TP73: variants seen among roughly 807,000 people sequenced by gnomAD.
The protein encoded by TP73 is p53-like transcription factor.
Under a neutral mutation model 62.5 loss-of-function variants are expected in TP73, and 25 were observed. That is an observed-to-expected ratio of 0.40 (90% CI 0.29 to 0.56). TP73 has a LOEUF of 0.56. TP73 is among the 20% of genes least tolerant of loss of function. TP73 has a pLI of 0.46. For synonymous variants in TP73, 423 were observed against 377.5 expected, an observed-to-expected ratio of 1.12 and a Z score of -1.40; for missense variants, 754 against 913.3, an observed-to-expected ratio of 0.83 and a Z score of 2.25.
rs888902171 is a variant in TP73, at chr1:3,663,242, C to T, written c.-34+10601C>T. Among the ~76,000 whole-genome samples, 3 of 152,152 alleles carry T rather than the reference C, an allele frequency of 2.0e-5. No individual in the cohort carries two copies. Among genetic ancestry groups the T allele is most frequent in the Admixed American group, 2.0e-4 (3 of 15,276 alleles). ...TAACAAGAGGACCCTCTGCCTATCA[C>T]GAGCCTGGTGGCTGCCGTACCAGTA... On this transcript the variant is annotated intron_variant, in intron 1 of 13. Transcript: ENST00000378295. This position sits in a 1 kb window ranked among gnomAD's most constrained non-coding sequence, Gnocchi z 4.7.
intron 1 of TP73, 36 bp from the exon 2 acceptor site, chr1:3,682,297 C>T: frequency 7.2e-7 from 1 of 1,397,234 alleles, no homozygotes; most frequent in Admixed American, 2.6e-5. Flanking sequence ...GCACGAGTTC[C>T]CAGGGTGCTC....
In TP73 at chr1:3,732,882, G is replaced by A. The variant is rs775611773; in HGVS notation, c.1714G>A (p.Gly572Ser). Residue 572 changes from glycine (G) to serine (S), a missense_variant, in exon 14 of 14, where the codon GGC becomes AGC. Physicochemically the swap from Gly to Ser is moderately conservative, Grantham distance 56 (BLOSUM62 0). Coordinates refer to ENST00000378295, the MANE Select transcript of TP73 (RefSeq NM_005427.4). The part of the protein sequence containing the change: ...RSSNAATISI[G>S]GSGELQRQRV... The stretch of plus-strand genomic sequence containing the variant: ...TAGCAACGCGGCCACCATCTCCATC[G>A]GCGGCTCAGGGGAACTGCAGCGCCA... 2.6e-5 allele frequency: 42 copies of A among 1,611,450 alleles called. No individual in the cohort carries two copies. Among genetic ancestry groups the A allele is most frequent in the Admixed American group, 1.3e-4 (8 of 59,912 alleles).
chr1:3,717,989 G>A (rs867415289), intron 4 of TP73, among the ~76,000 whole-genome samples: 1 of 152,218 alleles, frequency 6.6e-6, no homozygotes, highest in African/African-American at 2.4e-5. Flanking sequence ...TGGCCTTACT[G>A]GCCAGAGGGG....
chr1:3,716,171 G>A (rs1260479242), intron 4 of TP73, among the ~76,000 whole-genome samples: 1 of 152,194 alleles, frequency 6.6e-6, no homozygotes, highest in Non-Finnish European at 1.5e-5. Flanking sequence ...GGATCGCTTG[G>A]CATCTGCAGA....
rs989385377 is a variant in TP73 at position 3,701,263 on chromosome 1, T to G, written c.187-6286T>G. 2.0e-4 allele frequency among the ~76,000 whole-genome samples: 30 copies of G among 152,034 alleles called. No homozygotes were observed. In the East Asian group the frequency reaches 3.5e-3, roughly 18 times the overall value. On this transcript the variant is annotated intron_variant, in intron 3 of 13. Coordinates refer to ENST00000378295, the MANE Select transcript of TP73 (RefSeq NM_005427.4). The surrounding 1 kb of genome is among the most constrained non-coding windows in gnomAD (Gnocchi z 4.7). ...GTCCCTGTGCCCAGGGCTTAGCGACTGTCCTCTGCGTAGTGAATCTGGATT... is the reference window on the plus strand; with the variant it reads ...GTCCCTGTGCCCAGGGCTTAGCGACGGTCCTCTGCGTAGTGAATCTGGATT...
At chr1:3,653,831 G>A (rs530483759) in intron 1 of TP73, among the ~76,000 whole-genome samples, 15 of 152,326 alleles carry the variant, frequency 9.8e-5, no homozygotes, top group African/African-American at 3.6e-4. Flanking sequence ...TGTTTGAAAT[G>A]TTGCCATATA....
At position 3,702,119 on chromosome 1, in the gene TP73, C is replaced by T. The variant is rs574123377; in HGVS notation, c.187-5430C>T. The stretch of plus-strand genomic sequence containing the variant: ...GGAACCCCCAGACCTCAGCCATCAC[C>T]GTCCCCAGCTTGGCCGACGGTAGAT... On this transcript the variant is annotated intron_variant, in intron 3 of 13. Coordinates refer to ENST00000378295, the MANE Select transcript of TP73 (RefSeq NM_005427.4). 2.6e-3 allele frequency among the ~76,000 whole-genome samples: 394 copies of T among 152,362 alleles called. 2 individuals are homozygous for T. The highest frequency in any genetic ancestry group is 4.5e-3 in the Non-Finnish European group (309 of 68,028).
chr1:3,680,453 G>A (rs3765705), intron 1 of TP73, among the ~76,000 whole-genome samples: 16,845 of 152,098 alleles, frequency 0.11, 1,320 homozygotes, highest in African/African-American at 0.23. Flanking sequence ...AAGGGGATGC[G>A]ACCCAGAGGC....
chr1:3,654,551 T>C (rs1570330080), intron 1 of TP73, among the ~76,000 whole-genome samples: 1 of 152,198 alleles, frequency 6.6e-6, no homozygotes, highest in African/African-American at 2.4e-5. Context: ...GTAATAGTAG[T>C]TCCTGCCTCA....
intron 7 of TP73, 84 bp downstream of exon 7, chr1:3,727,308 G>C: frequency 7.6e-7 from 1 of 1,317,002 alleles, no homozygotes; most frequent in Non-Finnish European, 1.1e-6. Flanking sequence ...ATGGAGACCT[G>C]CAGGCCAAGG....
intron 6 of TP73, among the ~76,000 whole-genome samples, chr1:3,724,297 C>T (rs1641331773): frequency 6.6e-6 from 1 of 151,994 alleles, no homozygotes. Flanking sequence ...CAGGCCTCTG[C>T]CTTCCCTGTA....
chr1:3,731,060 C>T lies in TP73; in HGVS notation c.1479C>T (p.Leu493=). The T allele has an allele frequency of 1.9e-6, 3 of 1,610,922 alleles. No homozygotes were observed. The highest frequency in any genetic ancestry group is 2.5e-6 in the Non-Finnish European group (3 of 1,178,884). The part of the protein sequence containing the change: ...PPPPYHADPS[L]VSFLTGLGCP... ...CCCCCTACCACGCCGACCCCAGCCT[C>T]GTCAGGTGCGTGGGCTGCCGAGGGC... Residue 493 remains leucine, a synonymous_variant, in exon 12 of 14, where the codon CTC becomes CTT. Transcript: ENST00000378295.
At chr1:3,682,666 G>A (rs1334535344) in intron 2 of TP73, among the ~76,000 whole-genome samples, 1 of 152,256 alleles carries the variant, frequency 6.6e-6, no homozygotes, top group Non-Finnish European at 1.5e-5. Context: ...CAGGAGAGGT[G>A]GCTCCACACT....
intron 1 of TP73, among the ~76,000 whole-genome samples, chr1:3,659,716 C>T (rs893904725): frequency 2.0e-5 from 3 of 152,038 alleles, no homozygotes; most frequent in African/African-American, 4.8e-5. Context: ...AGTTCCACTC[C>T]GTCGCTCAAG....
intron 3 of TP73, among the ~76,000 whole-genome samples, chr1:3,691,651 G>A (rs548914945): frequency 1.6e-4 from 25 of 152,306 alleles, no homozygotes; most frequent in African/African-American, 6.0e-4. Context: ...GGTCCCTGGG[G>A]GCCAGGCAGG....
chr1:3,729,576 G>A, intron 10 of TP73, 128 bp downstream of exon 10: 7 of 1,507,896 alleles, frequency 4.6e-6, no homozygotes, highest in Non-Finnish European at 6.4e-6. Flanking sequence ...GCAGGGTCCA[G>A]AGCAGAGCCC....
At chr1:3,679,367 C>T (rs1645453832) in intron 1 of TP73, among the ~76,000 whole-genome samples, 1 of 152,216 alleles carries the variant, frequency 6.6e-6, no homozygotes, top group Non-Finnish European at 1.5e-5. Context: ...CCTGGACCTC[C>T]AGTAGGGGTG....
At chr1:3,682,127 C>A (rs1645537932) in intron 1 of TP73, among the ~76,000 whole-genome samples, 1 of 152,202 alleles carries the variant, frequency 6.6e-6, no homozygotes, top group Non-Finnish European at 1.5e-5. Context: ...CAAGGCAGAG[C>A]TGCCCACCTG....
Position 3,735,842 on chromosome 1 carries a change from C to T in TP73, c.*2763C>T, listed in dbSNP as rs886233901. 1.3e-5 allele frequency: 2 copies of T among 152,174 alleles called. No individual in the cohort carries two copies. Among genetic ancestry groups the T allele is most frequent in the African/African-American group, 4.8e-5 (2 of 41,428 alleles). 9.4% of individuals were successfully genotyped at this position (152,174 alleles called of 1,614,324 possible). ...CTGGTCAGAAACAGCGACTCTCCCC[C>T]ATTCCCCCAGCGTTCCCACCAGGCC... is the stretch of plus-strand genomic sequence containing the variant. On this transcript the variant is annotated 3_prime_UTR_variant, in exon 14 of 14. Transcript: ENST00000378295.
Sources: allele counts gnomAD v4.1 joint callset (sites outside exome capture counted in the v4.1 genomes callset), GRCh38; gene constraint gnomAD v4.1.1; non-coding constraint Gnocchi (gnomAD v3.1); transcripts MANE v1.5; gene names NCBI Gene and HGNC (gene_info 2026-07-23, HGNC 2026-07-21).